The following SUMF1 variants were observed in gnomAD, a reference collection of about 807,000 sequenced individuals.
SUMF1 encodes the protein formylglycine-generating enzyme.
SUMF1 carries 48 observed loss-of-function variants against 47.6 expected under a neutral mutation model. The observed-to-expected ratio is 1.01, with a 90% CI of 0.80 to 1.28. The LOEUF (loss-of-function observed/expected upper bound fraction) is 1.28. Among genes scored for constraint, SUMF1 ranks in the 50% most tolerant of loss-of-function variants. SUMF1 has a pLI of 0.00. For missense variants in SUMF1, 571 were observed against 485.4 expected (o/e 1.18, Z -1.66); for synonymous variants, 230 against 192.1 (o/e 1.20, Z -1.63).
chr3:4,426,373 CT>C (rs1257582263), intron 3 of SUMF1, among the ~76,000 whole-genome samples: 1 of 152,146 alleles, frequency 6.6e-6, no homozygotes, highest in Non-Finnish European at 1.5e-5. Context: ...GAGGTAGGGC[CT>C]TATTCATCCT....
At chr3:4,304,142 ACT>A in intron 8 of SUMF1, 1 of 168,044 alleles carries the variant, frequency 6.0e-6, no homozygotes, top group African/African-American at 2.4e-5. Flanking sequence ...AGCCCTTTCT[ACT>A]CTCCTTTTTC....
At chr3:4,389,033 C>A (rs1187701761) in intron 7 of SUMF1, among the ~76,000 whole-genome samples, 1 of 152,136 alleles carries the variant, frequency 6.6e-6, no homozygotes, top group Non-Finnish European at 1.5e-5. Context: ...TGTATATACT[C>A]ATATTTGGGC....
chr3:4,162,186 A>G (rs1030874699), intron 8 of SUMF1, among the ~76,000 whole-genome samples: 6 of 152,090 alleles, frequency 3.9e-5, no homozygotes, highest in Non-Finnish European at 7.4e-5. Flanking sequence ...TCCAAGTTGC[A>G]AGACAAAGTC....
At chr3:4,393,758 G>T (rs1434766812) in intron 7 of SUMF1, among the ~76,000 whole-genome samples, 1 of 152,090 alleles carries the variant, frequency 6.6e-6, no homozygotes, top group African/African-American at 2.4e-5. Context: ...CAAAGCTATA[G>T]AAGTTTCTCA....
At chr3:4,120,563 C>G (rs777781337) in intron 8 of SUMF1, among the ~76,000 whole-genome samples, 19 of 152,086 alleles carry the variant, frequency 1.2e-4, no homozygotes, top group Non-Finnish European at 2.2e-4. Flanking sequence ...CTCCTGGAGT[C>G]ACAATTACAC....
intron 8 of SUMF1, among the ~76,000 whole-genome samples, chr3:4,251,787 C>T (rs1284368330): frequency 1.3e-5 from 2 of 152,154 alleles, no homozygotes; most frequent in Non-Finnish European, 2.9e-5. Context: ...AGTCAGGGAC[C>T]ATCAATATCA....
At chr3:4,090,964 C>A (rs556725253) in intron 8 of SUMF1, among the ~76,000 whole-genome samples, 7 of 151,770 alleles carry the variant, frequency 4.6e-5, no homozygotes, top group African/African-American at 1.7e-4. Context: ...ACCCATAATC[C>A]CAGCTACTTG....
chr3:4,404,871 T>C (rs1164754871), intron 7 of SUMF1, among the ~76,000 whole-genome samples: 3 of 152,186 alleles, frequency 2.0e-5, no homozygotes, highest in Non-Finnish European at 4.4e-5. Flanking sequence ...TACTAGGTAC[T>C]CAATGAATGC....
chr3:4,136,382 A>G (rs1052984645), intron 8 of SUMF1, among the ~76,000 whole-genome samples: 2 of 152,158 alleles, frequency 1.3e-5, no homozygotes, highest in Admixed American at 6.6e-5. Flanking sequence ...AGGACTCCCT[A>G]TTTAATAAAT....
chr3:4,369,544 G>C (rs758119876), intron 8 of SUMF1, among the ~76,000 whole-genome samples: 2 of 152,184 alleles, frequency 1.3e-5, no homozygotes, highest in Non-Finnish European at 2.9e-5. Context: ...CAAAGATCAG[G>C]TTCAGGGGGA....
intron 8 of SUMF1, among the ~76,000 whole-genome samples, chr3:4,153,924 A>G (rs903032842): frequency 3.3e-5 from 5 of 151,632 alleles, no homozygotes; most frequent in Non-Finnish European, 5.9e-5. Flanking sequence ...AGCTTAGGTT[A>G]GGACTCCCGC....
At chr3:4,423,831 G>T (rs1156608515) in intron 3 of SUMF1, among the ~76,000 whole-genome samples, 1 of 152,086 alleles carries the variant, frequency 6.6e-6, no homozygotes, top group Non-Finnish European at 1.5e-5. Flanking sequence ...TGTCACAGGA[G>T]ATCTGGTCAA....
At position 4,240,895 on chromosome 3, in the gene SUMF1, C is replaced by G. The variant is rs533046737; in HGVS notation, c.1014+135435G>C. On this transcript the variant is annotated intron_variant and NMD_transcript_variant, in intron 8 of 12. Coordinates refer to the SUMF1 transcript ENST00000448413. ...CCTACGGAACTGAAGTGTCAAGTGA[C>G]CCTTTATAAAGACCTTTATAAAGAC... Among the ~76,000 whole-genome samples, 124 of 151,894 alleles carry G rather than the reference C, an allele frequency of 8.2e-4. 2 individuals carry two copies. The highest frequency in any genetic ancestry group is 4.5e-3 in the Admixed American group (68 of 15,236).
intron 8 of SUMF1, among the ~76,000 whole-genome samples, chr3:4,109,926 G>A (rs1290390474): frequency 1.1e-4 from 16 of 152,058 alleles, no homozygotes; most frequent in African/African-American, 2.9e-4. Context: ...CTCTCAACTC[G>A]TCAAAGTCAT....
At chr3:4,255,684 T>G (rs370734233) in intron 8 of SUMF1, among the ~76,000 whole-genome samples, 1 of 138,606 alleles carries the variant, frequency 7.2e-6, no homozygotes, top group South Asian at 2.6e-4. Context: ...TAACACCCCA[T>G]TGTCAACATT....
intron 1 of SUMF1, among the ~76,000 whole-genome samples, chr3:4,454,121 T>C (rs1051658832): frequency 6.6e-6 from 1 of 152,184 alleles, no homozygotes; most frequent in African/African-American, 2.4e-5. Flanking sequence ...CTCACTAAAA[T>C]AGAAAGTTTT....
intron 8 of SUMF1, among the ~76,000 whole-genome samples, chr3:4,249,345 C>T (rs189743016): frequency 1.1e-4 from 17 of 152,256 alleles, no homozygotes; most frequent in Admixed American, 2.6e-4. Context: ...TTTATAGCAA[C>T]TCTGAGTCTA....
chr3:4,299,970 C>A (rs1697929228), intron 8 of SUMF1, among the ~76,000 whole-genome samples: 1 of 152,174 alleles, frequency 6.6e-6, no homozygotes, highest in Non-Finnish European at 1.5e-5. Flanking sequence ...TTCTTTTCTA[C>A]ATAGAATCAA....
chr3:4,235,246 G>GAT (rs1268672606), intron 8 of SUMF1, among the ~76,000 whole-genome samples: 4 of 152,108 alleles, frequency 2.6e-5, no homozygotes, highest in African/African-American at 9.7e-5. Flanking sequence ...AAGGAGTCAA[G>GAT]ATTAACACCT....
Sources: allele counts gnomAD v4.1 joint callset (sites outside exome capture counted in the v4.1 genomes callset), GRCh38; gene constraint gnomAD v4.1.1; transcripts MANE v1.5; gene names NCBI Gene and HGNC (gene_info 2026-07-23, HGNC 2026-07-21).